Variants in HERC6 observed in about 807,000 individuals in gnomAD.
HERC6 encodes HECT and RLD domain containing E3 ubiquitin protein ligase family member 6.
HERC6 carries 101 observed loss-of-function variants against 114.5 expected under a neutral mutation model. The ratio of observed to expected loss-of-function variants is 0.88; its 90% CI spans 0.75 to 1.04. The LOEUF (loss-of-function observed/expected upper bound fraction) is 1.04. Ranked by LOEUF, HERC6 falls within the 50% of genes least tolerant of loss-of-function variation. The pLI, the probability that HERC6 is intolerant of heterozygous loss-of-function variation, is 0.00. For missense variants in HERC6, 1,133 were observed against 1,230.9 expected (o/e 0.92, Z 1.19); for synonymous variants, 408 against 436.2 (o/e 0.94, Z 0.81).
intron 11 of HERC6, among the ~76,000 whole-genome samples, chr4:88,411,003 C>G (rs1434689788): frequency 1.3e-5 from 2 of 152,036 alleles, no homozygotes; most frequent in Non-Finnish European, 2.9e-5. Context: ...AAAAGAAGCT[C>G]CAAAAAGGCA....
In HERC6 at chr4:88,390,650, A is replaced by C; in HGVS notation, c.437-2A>C. On this transcript the variant is annotated splice_acceptor_variant, in intron 3 of 22. Transcript: ENST00000264346. LOFTEE classifies it high-confidence loss of function. ...ATTCTTAATTTCTCGTCTTTGTTGTAGATAGCCAAGTGTTTTCGTGGGGAA... is the reference window on the plus strand; with the variant it reads ...ATTCTTAATTTCTCGTCTTTGTTGTCGATAGCCAAGTGTTTTCGTGGGGAA... The C allele has an allele frequency of 6.3e-7, 1 of 1,594,492 alleles. No homozygotes were observed. Among genetic ancestry groups the C allele is most frequent in the Non-Finnish European group, 8.6e-7 (1 of 1,165,660 alleles).
intron 6 of HERC6, among the ~76,000 whole-genome samples, 185 bp downstream of exon 6, chr4:88,396,327 A>G (rs1233671144): frequency 2.0e-5 from 3 of 152,196 alleles, no homozygotes; most frequent in Non-Finnish European, 2.9e-5. Context: ...TTATTTAATA[A>G]GAAATAATTG....
rs554192421 is a variant in HERC6, at chr4:88,393,314, AG to A, written c.665-173del. 1.6e-3 allele frequency among the ~76,000 whole-genome samples: 243 copies of A among 152,018 alleles called. 2 individuals carry two copies. In the South Asian group the frequency reaches 0.024, roughly 15 times the overall value. ...AAGATACCCCTTACATAAAAAAAAA[AG>A]ATATTAAAAATATAAATACTCATGA... On this transcript the variant is annotated intron_variant, in intron 4 of 22. Transcript: ENST00000264346.
At chr4:88,389,145 A>G (rs376045865) in intron 3 of HERC6, among the ~76,000 whole-genome samples, 1 of 152,118 alleles carries the variant, frequency 6.6e-6, no homozygotes, top group East Asian at 1.9e-4. Flanking sequence ...TTACCCAGAC[A>G]CAAAGGCCAT....
At chr4:88,439,232 G>A (rs1318726571) in intron 20 of HERC6, among the ~76,000 whole-genome samples, 1 of 152,060 alleles carries the variant, frequency 6.6e-6, no homozygotes, top group Non-Finnish European at 1.5e-5. Flanking sequence ...GTGGGAGCTG[G>A]GCACCATGGT....
chr4:88,400,158 G>T (rs1454122141), intron 8 of HERC6, among the ~76,000 whole-genome samples: 1 of 152,204 alleles, frequency 6.6e-6, no homozygotes, highest in Non-Finnish European at 1.5e-5. Flanking sequence ...CAAGCCAAGA[G>T]AAGAAAGCAC....
chr4:88,389,221 G>T (rs1487463553), intron 3 of HERC6, among the ~76,000 whole-genome samples: 1 of 152,098 alleles, frequency 6.6e-6, no homozygotes, highest in African/African-American at 2.4e-5. Context: ...AGTGAGCAGG[G>T]GGAGATGAAG....
chr4:88,401,180 G>C (rs1183950910), intron 8 of HERC6, among the ~76,000 whole-genome samples: 1 of 152,122 alleles, frequency 6.6e-6, no homozygotes, highest in Non-Finnish European at 1.5e-5. Flanking sequence ...AACTGCGAGA[G>C]GGTTTCTCAT....
At chr4:88,392,483 C>A (rs567582993) in intron 4 of HERC6, among the ~76,000 whole-genome samples, 70 of 152,166 alleles carry the variant, frequency 4.6e-4, no homozygotes, top group Non-Finnish European at 8.1e-4. Context: ...AGACACCATG[C>A]CTGACCAGTT....
chr4:88,383,565 C>G (rs1209227794), intron 2 of HERC6, among the ~76,000 whole-genome samples, 185 bp downstream of exon 2: 1 of 151,850 alleles, frequency 6.6e-6, no homozygotes, highest in Non-Finnish European at 1.5e-5. Flanking sequence ...TTGAGACCAG[C>G]CTGGTCAACA....
intron 3 of HERC6, 139 bp downstream of exon 3, chr4:88,385,714 A>T: frequency 1.8e-6 from 1 of 569,130 alleles, no homozygotes; most frequent in Admixed American, 3.8e-5. Context: ...TTGTTTTCCT[A>T]TTTTTTTCTC....
chr4:88,408,708 A>T, intron 11 of HERC6, 91 bp downstream of exon 11: 4 of 852,308 alleles, frequency 4.7e-6, no homozygotes, highest in Non-Finnish European at 5.8e-6. Flanking sequence ...TATGATTGTA[A>T]TTGCCCGATG....
At chr4:88,383,039 A>G in intron 1 of HERC6, 182 bp from the exon 2 acceptor site, 1 of 664,084 alleles carries the variant, frequency 1.5e-6, no homozygotes, top group Non-Finnish European at 2.5e-6. Context: ...ACAGGGTAAC[A>G]TACATTGAAT....
At position 88,413,114 on chromosome 4, in the gene HERC6, T is replaced by C. The variant is rs187773614; in HGVS notation, c.1406T>C (p.Leu469Pro). The C allele has an allele frequency of 1.4e-3, 2,293 of 1,613,346 alleles. 4 individuals carry two copies. Among genetic ancestry groups the C allele is most frequent in the Non-Finnish European group, 1.7e-3 (1,976 of 1,179,490 alleles). Residue 469 changes from leucine to proline, a missense_variant, in exon 12 of 23, where the codon CTT becomes CCT. Physicochemically the swap from Leu to Pro is moderately conservative, Grantham distance 98. This residue lies in a region of HERC6 where 735 missense variants were observed against 754.0 expected (regional missense o/e 0.97). Coordinates refer to ENST00000264346, the MANE Select transcript of HERC6 (RefSeq NM_017912.4). ...TCLEDDLLRA[L>P]PCHSPHQEAL... ...CTCGAGGATGATCTGCTCAGAGCTC[T>C]TCCATGCCATTCTCCACACCAAGAA...
Position 88,408,518 on chromosome 4 carries a change from C to T in HERC6, c.1275-6C>T, listed in dbSNP as rs1380262579. On this transcript the variant is annotated splice_polypyrimidine_tract_variant and splice_region_variant and intron_variant, in intron 10 of 22. Transcript: ENST00000264346. ...ATGTGGTTTCTTGCATTTCTTGTAT[C>T]CAAAGAGGAACTGGAGAAACGACTT... 5 of 1,569,906 alleles carry T rather than the reference C, an allele frequency of 3.2e-6. No homozygotes were observed. Among genetic ancestry groups the T allele is most frequent in the Non-Finnish European group, 4.4e-6 (5 of 1,148,346 alleles).
chr4:88,392,505 C>T (rs1734975272), intron 4 of HERC6, among the ~76,000 whole-genome samples: 1 of 152,042 alleles, frequency 6.6e-6, no homozygotes, highest in Admixed American at 6.6e-5. Flanking sequence ...TTCTTATCAT[C>T]TCAATTTTTA....
intron 20 of HERC6, 74 bp from the exon 21 acceptor site, chr4:88,439,793 AAAAGAAC>A (rs1430195021): frequency 2.3e-6 from 3 of 1,287,294 alleles, no homozygotes; most frequent in African/African-American, 3.1e-5. Context: ...AGAAATAGTA[AAAAGAAC>A]AAAGTATAAA....
intron 18 of HERC6, among the ~76,000 whole-genome samples, chr4:88,436,699 C>T (rs1368610193): frequency 6.6e-6 from 1 of 152,148 alleles, no homozygotes; most frequent in African/African-American, 2.4e-5. Context: ...GAAGATGTAG[C>T]AGTGTCTATG....
chr4:88,417,861 G>T (rs1340700790), intron 13 of HERC6, among the ~76,000 whole-genome samples: 3 of 152,012 alleles, frequency 2.0e-5, no homozygotes, highest in Non-Finnish European at 4.4e-5. Flanking sequence ...TGGGAGGATG[G>T]CTTGAGCCCA....
Sources: gnomAD v4.1 joint callset for allele counts (sites outside exome capture counted in the v4.1 genomes callset) on GRCh38, gnomAD v4.1.1 for gene constraint, gnomAD v4.1.1 regional missense constraint, MANE v1.5 for transcripts, NCBI Gene and HGNC (gene_info 2026-07-23, HGNC 2026-07-21) for gene names.